MAGI2: variants seen among roughly 807,000 people sequenced by gnomAD.
MAGI2 encodes membrane-associated guanylate kinase, WW and PDZ domain-containing protein 2.
Under a neutral mutation model 133.3 loss-of-function variants are expected in MAGI2, and 35 were observed. That is an observed-to-expected ratio of 0.26 (90% CI 0.20 to 0.35). The LOEUF is 0.35. Among genes scored for constraint, MAGI2 ranks in the 10% least tolerant of loss-of-function variants. The pLI, the probability that MAGI2 is intolerant of heterozygous loss-of-function variation, is 1.00. For synonymous variants in MAGI2, 729 were observed against 710.6 expected, an observed-to-expected ratio of 1.03 and a Z score of -0.41; for missense variants, 1,636 against 1,863.4, an observed-to-expected ratio of 0.88 and a Z score of 2.25.
chr7:78,828,810 AT>A (rs1790888090), intron 2 of MAGI2, among the ~76,000 whole-genome samples: 1 of 152,164 alleles, frequency 6.6e-6, no homozygotes, highest in Admixed American at 6.5e-5. Context: ...TAAAAGATTT[AT>A]TTTTTAAAAA....
At chr7:78,369,627 T>C (rs1793723416) in intron 6 of MAGI2, among the ~76,000 whole-genome samples, 1 of 152,134 alleles carries the variant, frequency 6.6e-6, no homozygotes. Context: ...CAGCAAATTG[T>C]TTCTGATGAC....
Position 78,019,305 on chromosome 7 carries a change from G to T in MAGI2, c.*10C>A. On this transcript the variant is annotated 3_prime_UTR_variant, in exon 22 of 22. Transcript: ENST00000354212. ...CGCCGGGGCGGGCGGGTTGGCCGTG[G>T]CCGCGCGGCTCATCTGCTGGCGGCC... 4 of 1,569,628 alleles carry T rather than the reference G, an allele frequency of 2.5e-6. No homozygotes were observed. Among genetic ancestry groups the T allele is most frequent in the Middle Eastern group, 1.7e-4 (1 of 5,994 alleles).
chr7:79,329,744 C>T (rs565994126), intron 1 of MAGI2, among the ~76,000 whole-genome samples: 2 of 152,312 alleles, frequency 1.3e-5, no homozygotes, highest in South Asian at 2.1e-4. Flanking sequence ...TATTTTTGCT[C>T]ATATCACGTT....
chr7:79,447,338 G>A (rs1401095541), intron 1 of MAGI2, among the ~76,000 whole-genome samples: 2 of 152,072 alleles, frequency 1.3e-5, no homozygotes, highest in African/African-American at 2.4e-5. Context: ...ACTTACTAGA[G>A]ACAGAAGAGA....
At chr7:78,185,935 C>T (rs927910864) in intron 12 of MAGI2, among the ~76,000 whole-genome samples, 1 of 151,930 alleles carries the variant, frequency 6.6e-6, no homozygotes, top group African/African-American at 2.4e-5. Context: ...ATAAGATTAC[C>T]ATTTCTAAAT....
At chr7:79,089,198 A>G (rs1816820110) in intron 1 of MAGI2, among the ~76,000 whole-genome samples, 1 of 152,166 alleles carries the variant, frequency 6.6e-6, no homozygotes, top group Non-Finnish European at 1.5e-5. Context: ...CAAACATATG[A>G]AAAAAAGCTC....
intron 2 of MAGI2, among the ~76,000 whole-genome samples, chr7:78,894,667 T>C (rs2151578959): frequency 6.6e-6 from 1 of 152,222 alleles, no homozygotes; most frequent in South Asian, 2.1e-4. Flanking sequence ...TAAAAATAGA[T>C]TTTTGAAAGA....
intron 1 of MAGI2, among the ~76,000 whole-genome samples, chr7:79,351,345 A>G (rs1841678819): frequency 1.3e-5 from 2 of 152,176 alleles, no homozygotes; most frequent in South Asian, 4.1e-4. Flanking sequence ...CTGTTCACAA[A>G]CTTTAATGAC....
intron 2 of MAGI2, among the ~76,000 whole-genome samples, chr7:78,708,922 A>C (rs1285973770): frequency 2.0e-5 from 3 of 152,034 alleles, no homozygotes. Flanking sequence ...TACTTTTCTT[A>C]ATATTACTCA....
intron 2 of MAGI2, among the ~76,000 whole-genome samples, chr7:78,761,385 A>G (rs1287491432): frequency 6.6e-6 from 1 of 152,186 alleles, no homozygotes; most frequent in East Asian, 1.9e-4. Context: ...ACTTCATAAA[A>G]AGGTTCTCTG....
chr7:78,108,342 G>C (rs1049790771), intron 20 of MAGI2, among the ~76,000 whole-genome samples: 7 of 152,140 alleles, frequency 4.6e-5, no homozygotes, highest in African/African-American at 1.7e-4. Context: ...GAAGATACTT[G>C]ATACAATTTC....
At chr7:79,180,392 G>A (rs1053610807) in intron 1 of MAGI2, among the ~76,000 whole-genome samples, 5 of 151,990 alleles carry the variant, frequency 3.3e-5, no homozygotes, top group Admixed American at 6.6e-5. Flanking sequence ...AATCATGGCC[G>A]AAGGCAAGGA....
intron 1 of MAGI2, among the ~76,000 whole-genome samples, chr7:79,115,119 G>A (rs1819278186): frequency 6.6e-6 from 1 of 152,154 alleles, no homozygotes; most frequent in South Asian, 2.1e-4. Context: ...GGGGAGGAAG[G>A]ATAGGTTTGC....
At chr7:79,443,409 TAA>T (rs971956484) in intron 1 of MAGI2, among the ~76,000 whole-genome samples, 2 of 151,608 alleles carry the variant, frequency 1.3e-5, no homozygotes, top group African/African-American at 4.9e-5. Flanking sequence ...GACTCCTTCT[TAA>T]AAAAACAAAA....
At chr7:78,323,143 C>T (rs1164939163) in intron 9 of MAGI2, among the ~76,000 whole-genome samples, 1 of 151,610 alleles carries the variant, frequency 6.6e-6, no homozygotes, top group Non-Finnish European at 1.5e-5. Context: ...TGTTTAGTCA[C>T]TTCTTTATAC....
At chr7:78,802,722 G>A (rs1214901709) in intron 2 of MAGI2, among the ~76,000 whole-genome samples, 1 of 151,986 alleles carries the variant, frequency 6.6e-6, no homozygotes, top group East Asian at 1.9e-4. Context: ...CTACAGAATT[G>A]AATGTACAGT....
intron 1 of MAGI2, among the ~76,000 whole-genome samples, chr7:79,371,218 A>T (rs553871566): frequency 6.6e-6 from 1 of 152,128 alleles, no homozygotes; most frequent in African/African-American, 2.4e-5. Flanking sequence ...CTCCAAAATT[A>T]AAGTGTAAAA....
At chr7:79,368,119 T>C (rs1842839057) in intron 1 of MAGI2, among the ~76,000 whole-genome samples, 1 of 152,006 alleles carries the variant, frequency 6.6e-6, no homozygotes, top group African/African-American at 2.4e-5. Flanking sequence ...GAGCACTATA[T>C]ACTATTTAGA....
At chr7:79,350,897 T>C (rs1317980365) in intron 1 of MAGI2, among the ~76,000 whole-genome samples, 1 of 152,174 alleles carries the variant, frequency 6.6e-6, no homozygotes, top group Non-Finnish European at 1.5e-5. Flanking sequence ...TATGTCCCTT[T>C]GTTTAATTGA....
Sources: allele counts gnomAD v4.1 joint callset (sites outside exome capture counted in the v4.1 genomes callset), GRCh38; gene constraint gnomAD v4.1.1; transcripts MANE v1.5; gene names NCBI Gene and HGNC (gene_info 2026-07-23, HGNC 2026-07-21).